Variants in GPC5 observed in about 807,000 individuals in gnomAD.
The protein encoded by GPC5 is glypican-5.
A neutral mutation model predicts 53.9 loss-of-function variants in GPC5; 47 were observed. That is an observed-to-expected ratio of 0.87 (90% CI 0.69 to 1.11). The LOEUF is 1.11. Ranked by LOEUF, GPC5 falls within the 50% of genes most tolerant of loss-of-function variation. GPC5 has a pLI of 0.00. For synonymous variants in GPC5, 286 were observed against 263.3 expected (o/e 1.09, Z -0.84); for missense variants, 748 against 713.1 (o/e 1.05, Z -0.56).
At chr13:92,044,553 G>C (rs974809768) in intron 6 of GPC5, among the ~76,000 whole-genome samples, 1 of 152,202 alleles carries the variant, frequency 6.6e-6, no homozygotes, top group Non-Finnish European at 1.5e-5. Flanking sequence ...GTTCTGAATA[G>C]GGATCTTGCA....
chr13:92,516,241 C>T (rs752571124), intron 7 of GPC5, among the ~76,000 whole-genome samples: 37 of 151,838 alleles, frequency 2.4e-4, no homozygotes, highest in Non-Finnish European at 4.9e-4. Context: ...CTGAGGTCTA[C>T]ACAAGAAAAT....
chr13:91,400,058 T>C (rs1486729804), intron 1 of GPC5, among the ~76,000 whole-genome samples: 1 of 152,194 alleles, frequency 6.6e-6, no homozygotes, highest in Non-Finnish European at 1.5e-5. Flanking sequence ...GTGTAGGTTC[T>C]GTCTGGAAGA....
At chr13:91,657,925 A>G (rs2139596791) in intron 2 of GPC5, among the ~76,000 whole-genome samples, 1 of 152,306 alleles carries the variant, frequency 6.6e-6, no homozygotes, top group Non-Finnish European at 1.5e-5. Flanking sequence ...GTTTGTATAA[A>G]AAGGAATAGC....
intron 7 of GPC5, among the ~76,000 whole-genome samples, chr13:92,160,426 A>G (rs1419110509): frequency 6.6e-6 from 1 of 152,200 alleles, no homozygotes; most frequent in African/African-American, 2.4e-5. Flanking sequence ...AATTTTCTAT[A>G]GGTTTATATT....
At chr13:91,598,680 A>AT (rs1453284012) in intron 2 of GPC5, among the ~76,000 whole-genome samples, 1 of 152,040 alleles carries the variant, frequency 6.6e-6, no homozygotes, top group Non-Finnish European at 1.5e-5. Context: ...AAATAAATAT[A>AT]TTTTTCTAAA....
At chr13:91,726,784 GC>G (rs1231036950) in intron 3 of GPC5, among the ~76,000 whole-genome samples, 1 of 152,084 alleles carries the variant, frequency 6.6e-6, no homozygotes, top group Admixed American at 6.6e-5. Flanking sequence ...TTTTCCATGG[GC>G]CTGCTGAAGG....
At chr13:92,777,164 G>A (rs990592862) in intron 7 of GPC5, among the ~76,000 whole-genome samples, 3 of 149,044 alleles carry the variant, frequency 2.0e-5, no homozygotes, top group Admixed American at 6.7e-5. Flanking sequence ...GTGAAACCTC[G>A]TCTCTACTAA....
intron 5 of GPC5, among the ~76,000 whole-genome samples, chr13:91,870,204 C>A (rs1432705832): frequency 1.3e-5 from 2 of 152,048 alleles, no homozygotes; most frequent in Non-Finnish European, 2.9e-5. Flanking sequence ...ACTATTCCTG[C>A]CTCTCTAAAG....
chr13:91,476,636 G>A (rs532398124), intron 2 of GPC5, among the ~76,000 whole-genome samples: 14 of 152,222 alleles, frequency 9.2e-5, no homozygotes, highest in Non-Finnish European at 1.5e-4. Flanking sequence ...AATAAGGTCC[G>A]TAAAAGGTAT....
At chr13:92,819,884 T>C (rs1005960327) in intron 7 of GPC5, among the ~76,000 whole-genome samples, 1 of 152,206 alleles carries the variant, frequency 6.6e-6, no homozygotes, top group African/African-American at 2.4e-5. Context: ...GACTGCCTCC[T>C]TTCTTGTTAG....
chr13:91,690,847 G>A (rs1476391494), intron 2 of GPC5, among the ~76,000 whole-genome samples: 1 of 152,180 alleles, frequency 6.6e-6, no homozygotes, highest in Non-Finnish European at 1.5e-5. Context: ...ACATATCTTA[G>A]AAACCTGGGT....
chr13:91,519,377 T>G (rs1452868603), intron 2 of GPC5, among the ~76,000 whole-genome samples: 2 of 152,176 alleles, frequency 1.3e-5, no homozygotes, highest in East Asian at 3.9e-4. Context: ...AATTTCATGT[T>G]GAATTATGAC....
At chr13:91,681,024 T>C (rs1412823277) in intron 2 of GPC5, among the ~76,000 whole-genome samples, 2 of 152,148 alleles carry the variant, frequency 1.3e-5, no homozygotes, top group Non-Finnish European at 2.9e-5. Context: ...ACGAATAATA[T>C]GTATTTCTAT....
chr13:92,316,850 T>C, intron 7 of GPC5, among the ~76,000 whole-genome samples: 1 of 152,158 alleles, frequency 6.6e-6, no homozygotes, highest in Middle Eastern at 3.2e-3. Context: ...AAGTTACTTC[T>C]AATTACCCAA....
intron 2 of GPC5, among the ~76,000 whole-genome samples, chr13:91,502,772 C>A (rs1884715527): frequency 6.6e-6 from 1 of 152,130 alleles, no homozygotes; most frequent in Admixed American, 6.5e-5. Flanking sequence ...AGTATCATCT[C>A]ATTTAGCCTT....
In GPC5 at chr13:91,398,701, C is replaced by G; in HGVS notation, c.-346C>G. 1 of 244,676 alleles carries G rather than the reference C, an allele frequency of 4.1e-6. No homozygotes were observed. The allele number at this position is 244,676 out of a possible 1,614,324, so 15.2% of individuals were successfully genotyped here. The stretch of plus-strand genomic sequence containing the variant: ...GCAGTGGCGGCAGTGGCGGCAGTGG[C>G]GGCAGCGGCAGCAGTTGCAGCAGTG... On this transcript the variant is annotated 5_prime_UTR_variant, in exon 1 of 8. Coordinates refer to ENST00000377067, the MANE Select transcript of GPC5 (RefSeq NM_004466.6).
intron 2 of GPC5, among the ~76,000 whole-genome samples, chr13:91,658,777 G>T (rs914986499): frequency 3.3e-5 from 5 of 152,108 alleles, no homozygotes; most frequent in African/African-American, 9.7e-5. Context: ...CTGTGTGCCA[G>T]ACCCTGGATT....
intron 5 of GPC5, among the ~76,000 whole-genome samples, chr13:91,874,322 G>A (rs1026558182): frequency 1.7e-4 from 26 of 151,872 alleles, no homozygotes; most frequent in Non-Finnish European, 3.2e-4. Context: ...CACGGTTGAG[G>A]TACTATTATA....
chr13:92,222,141 G>A (rs1410485145), intron 7 of GPC5, among the ~76,000 whole-genome samples: 2 of 152,038 alleles, frequency 1.3e-5, no homozygotes, highest in Non-Finnish European at 2.9e-5. Context: ...CGGTATCTCC[G>A]ATCAATTCTA....
Sources: allele counts gnomAD v4.1 joint callset (sites outside exome capture counted in the v4.1 genomes callset), GRCh38; gene constraint gnomAD v4.1.1; transcripts MANE v1.5; gene names NCBI Gene and HGNC (gene_info 2026-07-23, HGNC 2026-07-21).